The following PKD1L1 variants were observed in gnomAD, a reference collection of about 807,000 sequenced individuals.
The protein encoded by PKD1L1 is polycystin-1-like protein 1.
A neutral mutation model predicts 323.4 loss-of-function variants in PKD1L1; 236 were observed. The observed-to-expected ratio is 0.73, with a 90% CI of 0.66 to 0.81. The LOEUF is 0.81. Ranked by LOEUF, PKD1L1 falls within the 40% of genes least tolerant of loss-of-function variation. The probability of loss-of-function intolerance (pLI) is 0.00; values close to 1 mark genes in which losing one functional copy is unlikely to be tolerated. For synonymous variants in PKD1L1, 1,344 were observed against 1,335.0 expected (o/e 1.01, Z -0.15); for missense variants, 3,320 against 3,508.0 (o/e 0.95, Z 1.35).
At chr7:47,875,260 T>C (rs1786379213) in intron 23 of PKD1L1, among the ~76,000 whole-genome samples, 1 of 152,238 alleles carries the variant, frequency 6.6e-6, no homozygotes, top group Non-Finnish European at 1.5e-5. Context: ...CAAGTGTTTC[T>C]AACTGAAGGT....
At chr7:47,802,717 T>C (rs765305115) in intron 53 of PKD1L1, among the ~76,000 whole-genome samples, 5 of 152,198 alleles carry the variant, frequency 3.3e-5, no homozygotes, top group Non-Finnish European at 7.3e-5. Context: ...CAAGCTGTAC[T>C]CTGTACCTGT....
At chr7:47,880,406 C>T (rs527464073) in intron 21 of PKD1L1, among the ~76,000 whole-genome samples, 66 of 148,364 alleles carry the variant, frequency 4.4e-4, no homozygotes, top group Non-Finnish European at 7.6e-4. Flanking sequence ...CTCGGCCTCT[C>T]GAATAGCTGG....
At chr7:47,793,307 C>G (rs1786996239) in intron 55 of PKD1L1, among the ~76,000 whole-genome samples, 1 of 152,086 alleles carries the variant, frequency 6.6e-6, no homozygotes, top group African/African-American at 2.4e-5. Context: ...TGTCCCCATT[C>G]AAATCTCAAC....
Position 47,857,778 on chromosome 7 carries a change from G to A in PKD1L1, c.4417C>T (p.Leu1473Phe), listed in dbSNP as rs1785937232. 6.2e-7 allele frequency: 1 copy of A among 1,614,066 alleles called. No homozygotes were observed. The highest frequency in any genetic ancestry group is 1.7e-5 in the Admixed American group (1 of 60,004). ...STGQMEFRTL[L>F]HYNLQSSVQS... is the part of the protein sequence containing the mutation. Reference sequence around the variant, plus strand: ...ACAGAGCTCTGAAGGTTGTAATGAAGAAGGGTCCGGAACTCCATCTGCCCA... The same window carrying A: ...ACAGAGCTCTGAAGGTTGTAATGAAAAAGGGTCCGGAACTCCATCTGCCCA... The change falls in exon 28 of 57, where the codon CTT (leucine) becomes TTT (phenylalanine). Residue 1473 changes from leucine to phenylalanine, a missense_variant. Physicochemically the swap from Leu to Phe is conservative, Grantham distance 22. Coordinates refer to ENST00000289672, the MANE Select transcript of PKD1L1 (RefSeq NM_138295.5).
At chr7:47,879,983 T>C (rs1271080017) in intron 21 of PKD1L1, among the ~76,000 whole-genome samples, 1 of 150,808 alleles carries the variant, frequency 6.6e-6, no homozygotes, top group Non-Finnish European at 1.5e-5. Flanking sequence ...GCTTGTCATA[T>C]GGAATGAAAA....
intron 56 of PKD1L1, among the ~76,000 whole-genome samples, chr7:47,782,162 C>G (rs1244933768): frequency 2.0e-5 from 3 of 152,162 alleles, no homozygotes; most frequent in Admixed American, 6.5e-5. Flanking sequence ...AATAAACCAG[C>G]TGTCTATGAG....
intron 8 of PKD1L1, among the ~76,000 whole-genome samples, chr7:47,914,859 C>G (rs939333256): frequency 6.6e-6 from 1 of 152,110 alleles, no homozygotes; most frequent in Non-Finnish European, 1.5e-5. Context: ...TAGCAGATAC[C>G]TGGAGCCAGC....
At chr7:47,837,125 G>A (rs781404632) in intron 36 of PKD1L1, 31 bp from the exon 37 acceptor site, 3 of 1,609,496 alleles carry the variant, frequency 1.9e-6, no homozygotes, top group Non-Finnish European at 2.5e-6. Flanking sequence ...AGTGTTCCCT[G>A]ACATGGAGCA....
chr7:47,889,952 C>T (rs575107038), intron 16 of PKD1L1, among the ~76,000 whole-genome samples: 2 of 152,234 alleles, frequency 1.3e-5, no homozygotes, highest in Non-Finnish European at 2.9e-5. Context: ...GCAACTCACA[C>T]CCTTCCTGCA....
intron 26 of PKD1L1, among the ~76,000 whole-genome samples, chr7:47,859,634 T>TTTC (rs1583626365): frequency 6.7e-6 from 1 of 149,554 alleles, no homozygotes; most frequent in African/African-American, 2.5e-5. Flanking sequence ...TACATTTTTT[T>TTTC]TTTTTTTTTT....
chr7:47,958,959 T>C, the PKD1L1 span, among the ~76,000 whole-genome samples: 1 of 152,250 alleles, frequency 6.6e-6, no homozygotes, highest in African/African-American at 2.4e-5. Flanking sequence ...GTGCCTGCGA[T>C]TGCAGGCGCG....
intron 24 of PKD1L1, among the ~76,000 whole-genome samples, chr7:47,868,683 C>G (rs1562965643): frequency 1.3e-5 from 2 of 152,088 alleles, no homozygotes; most frequent in African/African-American, 4.8e-5. Flanking sequence ...CGAGACCAGC[C>G]TGACCAACAT....
At chr7:47,852,349 T>C (rs984680438) in intron 31 of PKD1L1, among the ~76,000 whole-genome samples, 2 of 152,236 alleles carry the variant, frequency 1.3e-5, no homozygotes, top group South Asian at 4.1e-4. Context: ...AAAAATACCA[T>C]TGAGAATTTG....
chr7:47,851,939 A>C (rs1375265677), intron 31 of PKD1L1, among the ~76,000 whole-genome samples: 1 of 152,264 alleles, frequency 6.6e-6, no homozygotes. Context: ...TGATTAAAAA[A>C]TATAAAGAGC....
intron 14 of PKD1L1, among the ~76,000 whole-genome samples, chr7:47,895,744 T>C (rs1786921980): frequency 6.6e-6 from 1 of 152,328 alleles, no homozygotes; most frequent in African/African-American, 2.4e-5. Context: ...CTGGGCAGAA[T>C]TAGTTTACGG....
chr7:47,908,422 A>G (rs1161553511), intron 8 of PKD1L1, among the ~76,000 whole-genome samples, 172 bp from the exon 9 acceptor site: 2 of 152,238 alleles, frequency 1.3e-5, no homozygotes, highest in Admixed American at 1.3e-4. Flanking sequence ...TGACCCATAC[A>G]GTTGCACAGA....
Position 47,902,285 on chromosome 7 carries a change from C to T in PKD1L1, c.2064+94G>A, listed in dbSNP as rs1246996883. 3 of 1,491,828 alleles carry T rather than the reference C, an allele frequency of 2.0e-6. No homozygotes were observed. The East Asian group carries it at 6.9e-5, about 34-fold the overall frequency. The allele number at this position is 1,491,828 out of a possible 1,614,324, so 92.4% of individuals were successfully genotyped here. ...GGATAAACTGGACAAAGCCTCGCTT[C>T]ATGCCCCAAACTCTCACCACTCCAA... On this transcript the variant is annotated intron_variant, in intron 13 of 56. Coordinates refer to ENST00000289672, the MANE Select transcript of PKD1L1 (RefSeq NM_138295.5).
intron 3 of PKD1L1, among the ~76,000 whole-genome samples, chr7:47,937,470 G>A (rs1048083337): frequency 1.3e-5 from 2 of 152,156 alleles, no homozygotes; most frequent in African/African-American, 4.8e-5. Flanking sequence ...AGAGTTACGG[G>A]AGGCCAAGTG....
intron 55 of PKD1L1, among the ~76,000 whole-genome samples, chr7:47,793,684 G>A (rs2128723922): frequency 6.6e-6 from 1 of 152,290 alleles, no homozygotes; most frequent in South Asian, 2.1e-4. Context: ...ACCCAAAAAT[G>A]TGAAAGTGAC....
Sources: gnomAD v4.1 joint callset for allele counts (sites outside exome capture counted in the v4.1 genomes callset) on GRCh38, gnomAD v4.1.1 for gene constraint, MANE v1.5 for transcripts, NCBI Gene and HGNC (gene_info 2026-07-23, HGNC 2026-07-21) for gene names.